ATP8B4: variants seen among roughly 807,000 people sequenced by gnomAD.
ATP8B4 encodes the protein probable phospholipid-transporting ATPase IM.
In ATP8B4, 133 loss-of-function variants were observed where a neutral mutation model predicts 145.6. The observed-to-expected ratio is 0.91, with a 90% CI of 0.79 to 1.05. The LOEUF (loss-of-function observed/expected upper bound fraction) is 1.05, where lower values mean the gene tolerates loss of function less well. Ranked by LOEUF, ATP8B4 falls within the 50% of genes least tolerant of loss-of-function variation. The pLI, the probability that ATP8B4 is intolerant of heterozygous loss-of-function variation, is 0.00. For missense variants in ATP8B4, 1,458 were observed against 1,425.2 expected (o/e 1.02, Z -0.37); for synonymous variants, 507 against 492.9 (o/e 1.03, Z -0.38).
intron 13 of ATP8B4, among the ~76,000 whole-genome samples, chr15:49,966,651 G>T (rs1258083225): frequency 6.6e-6 from 1 of 152,200 alleles, no homozygotes; most frequent in Non-Finnish European, 1.5e-5. Context: ...CCATCTCCCT[G>T]GGACAGCGCA....
At chr15:50,160,268 T>G (rs1443928819) in intron 1 of ATP8B4, among the ~76,000 whole-genome samples, 2 of 151,850 alleles carry the variant, frequency 1.3e-5, no homozygotes, top group Admixed American at 6.6e-5. Context: ...CTGATTTTGT[T>G]TGGTCGTCTT....
intron 1 of ATP8B4, among the ~76,000 whole-genome samples, chr15:50,115,678 G>C (rs2057141135): frequency 6.6e-6 from 1 of 152,040 alleles, no homozygotes; most frequent in Non-Finnish European, 1.5e-5. Flanking sequence ...AGGCAGGTAA[G>C]AGCTGGATTC....
intron 8 of ATP8B4, among the ~76,000 whole-genome samples, chr15:49,999,856 C>A (rs532297398): frequency 6.6e-6 from 1 of 152,260 alleles, no homozygotes; most frequent in African/African-American, 2.4e-5. Context: ...GCCTTTCCCA[C>A]CCCATCTTAA....
chr15:50,035,337 T>C (rs1232542163), intron 6 of ATP8B4, among the ~76,000 whole-genome samples: 1 of 152,228 alleles, frequency 6.6e-6, no homozygotes, highest in Non-Finnish European at 1.5e-5. Flanking sequence ...ATAGGTAAAC[T>C]ACATATATAT....
chr15:50,091,208 C>G (rs1467528901), intron 2 of ATP8B4, among the ~76,000 whole-genome samples: 1 of 152,124 alleles, frequency 6.6e-6, no homozygotes, highest in Non-Finnish European at 1.5e-5. Flanking sequence ...AGAACTAGGT[C>G]CCCTGGGGTA....
At chr15:50,063,662 C>T (rs1267810668) in intron 3 of ATP8B4, among the ~76,000 whole-genome samples, 1 of 152,096 alleles carries the variant, frequency 6.6e-6, no homozygotes, top group Non-Finnish European at 1.5e-5. Flanking sequence ...AATAATCTTT[C>T]TCTACTTCAA....
Position 49,901,204 on chromosome 15 carries a change from T to C in ATP8B4, c.2177A>G (p.Asn726Ser), listed in dbSNP as rs1168921000. The change falls in exon 21 of 28, where the codon AAT becomes AGT. Residue 726 changes from asparagine (N) to serine (S), a missense_variant. Coordinates refer to ENST00000284509, the MANE Select transcript of ATP8B4 (RefSeq NM_024837.4). The part of the protein sequence containing the change: ...AKQNLFGQNR[N>S]FSNGHVVCEK... ...ACAAACTACATGGCCATTGGAAAAA[T>C]TTCTGTTTTGTCCAAACAAATTTTG... The C allele has an allele frequency of 1.9e-6, 3 of 1,613,270 alleles. No homozygotes were observed. Among genetic ancestry groups the C allele is most frequent in the Non-Finnish European group, 2.5e-6 (3 of 1,179,630 alleles).
At chr15:50,034,353 C>A (rs1356512752) in intron 6 of ATP8B4, among the ~76,000 whole-genome samples, 1 of 151,572 alleles carries the variant, frequency 6.6e-6, no homozygotes, top group Non-Finnish European at 1.5e-5. Context: ...CCTCATCCTC[C>A]TGGGTAGCTG....
intron 6 of ATP8B4, among the ~76,000 whole-genome samples, chr15:50,021,019 G>A (rs1599854759): frequency 6.6e-6 from 1 of 152,052 alleles, no homozygotes; most frequent in East Asian, 1.9e-4. Context: ...TACAAGAATA[G>A]CAAGTTGCTG....
chr15:49,923,814 C>T (rs73396975), intron 16 of ATP8B4, among the ~76,000 whole-genome samples: 2,059 of 152,276 alleles, frequency 0.014, 41 homozygotes, highest in African/African-American at 0.048. Flanking sequence ...AAGTCTTCAT[C>T]TCCATATTAA....
At chr15:50,085,874 TA>T (rs2054887795) in intron 2 of ATP8B4, among the ~76,000 whole-genome samples, 1 of 34,038 alleles carries the variant, frequency 2.9e-5, no homozygotes, top group Non-Finnish European at 5.2e-5. Context: ...GTATCATATA[TA>T]TTTATATATT....
At chr15:50,172,917 G>A (rs1204862308) in intron 1 of ATP8B4, among the ~76,000 whole-genome samples, 73 of 150,414 alleles carry the variant, frequency 4.9e-4, no homozygotes, top group Non-Finnish European at 9.2e-4. Context: ...CAGCCGCCCC[G>A]TCCGGGAAGT....
chr15:49,888,595 C>T (rs2036468634), intron 23 of ATP8B4, among the ~76,000 whole-genome samples: 1 of 152,124 alleles, frequency 6.6e-6, no homozygotes, highest in African/African-American at 2.4e-5. Flanking sequence ...TGGTAGGGGA[C>T]AGTTCCTCTT....
chr15:50,117,199 A>G (rs909082316), intron 1 of ATP8B4, among the ~76,000 whole-genome samples: 1 of 152,238 alleles, frequency 6.6e-6, no homozygotes, highest in African/African-American at 2.4e-5. Context: ...ACAGGAGCCC[A>G]CCACCATGCC....
intron 3 of ATP8B4, among the ~76,000 whole-genome samples, chr15:50,052,116 T>G (rs1465675580): frequency 1.3e-5 from 2 of 152,214 alleles, no homozygotes; most frequent in Non-Finnish European, 2.9e-5. Flanking sequence ...TCCAAGCATA[T>G]GAGTACTGCA....
chr15:49,926,597 T>C (rs1241976708), intron 16 of ATP8B4, among the ~76,000 whole-genome samples: 1 of 152,094 alleles, frequency 6.6e-6, no homozygotes, highest in Admixed American at 6.5e-5. Flanking sequence ...AGCTGCACTA[T>C]CCAGTCTGTT....
chr15:50,070,333 G>A (rs190330839), intron 3 of ATP8B4, among the ~76,000 whole-genome samples: 1 of 152,056 alleles, frequency 6.6e-6, no homozygotes, highest in Non-Finnish European at 1.5e-5. Flanking sequence ...AATCAGATAG[G>A]CATAGGTTCA....
At chr15:49,952,556 T>C (rs899560029) in intron 14 of ATP8B4, among the ~76,000 whole-genome samples, 6 of 152,244 alleles carry the variant, frequency 3.9e-5, no homozygotes, top group Non-Finnish European at 8.8e-5. Flanking sequence ...AGGTCATTTA[T>C]GTTCCTCTCT....
intron 1 of ATP8B4, among the ~76,000 whole-genome samples, chr15:50,110,521 A>G (rs976204198): frequency 2.0e-5 from 3 of 152,248 alleles, no homozygotes; most frequent in African/African-American, 7.2e-5. Flanking sequence ...AGATTAAACA[A>G]AATCAGTTGA....
Sources: allele counts gnomAD v4.1 joint callset (sites outside exome capture counted in the v4.1 genomes callset), GRCh38; gene constraint gnomAD v4.1.1; transcripts MANE v1.5; gene names NCBI Gene and HGNC (gene_info 2026-07-23, HGNC 2026-07-21).